Variants in HSDL2 observed in about 807,000 individuals in gnomAD.
HSDL2 encodes hydroxysteroid dehydrogenase-like protein 2.
HSDL2 carries 27 observed loss-of-function variants against 46.3 expected under a neutral mutation model. That is an observed-to-expected ratio of 0.58 (90% CI 0.43 to 0.80). The LOEUF is 0.80. HSDL2 is among the 30% of genes least tolerant of loss of function. The pLI, the probability that HSDL2 is intolerant of heterozygous loss-of-function variation, is 0.00. For missense variants in HSDL2, 451 were observed against 502.7 expected (o/e 0.90, Z 0.98); for synonymous variants, 153 against 163.6 (o/e 0.94, Z 0.50).
chr9:112,422,748 A>G (rs1353385421), intron 6 of HSDL2, among the ~76,000 whole-genome samples: 1 of 152,226 alleles, frequency 6.6e-6, no homozygotes, highest in Non-Finnish European at 1.5e-5. Context: ...ATGGATGTAA[A>G]CTAAAAGGTT....
chr9:112,382,301 C>T (rs2418206), intron 1 of HSDL2, among the ~76,000 whole-genome samples: 145,183 of 152,320 alleles, frequency 0.95, 69,251 homozygotes, highest in African/African-American at 0.99. Context: ...TATATTTTGA[C>T]AGATATTTCC....
At chr9:112,439,753 C>T (rs1832600707) in intron 7 of HSDL2, among the ~76,000 whole-genome samples, 1 of 152,238 alleles carries the variant, frequency 6.6e-6, no homozygotes, top group Admixed American at 6.5e-5. Context: ...CATAACAATT[C>T]TGTACGGAAA....
At chr9:112,381,661 C>T (rs575603681) in intron 1 of HSDL2, among the ~76,000 whole-genome samples, 1 of 152,272 alleles carries the variant, frequency 6.6e-6, no homozygotes, top group East Asian at 1.9e-4. Flanking sequence ...GCCCCTCCTC[C>T]TTTTTAATGG....
At chr9:112,469,156 C>T in intron 10 of HSDL2, among the ~76,000 whole-genome samples, 1 of 152,074 alleles carries the variant, frequency 6.6e-6, no homozygotes, top group East Asian at 1.9e-4. Context: ...TGGACTTGAT[C>T]CTTTCTACCT....
chr9:112,413,557 A>G (rs963799525), intron 4 of HSDL2, among the ~76,000 whole-genome samples: 1 of 152,196 alleles, frequency 6.6e-6, no homozygotes, highest in African/African-American at 2.4e-5. Flanking sequence ...CTGGTAACTC[A>G]CAGAACACAT....
At chr9:112,436,027 C>A (rs1380134345) in intron 6 of HSDL2, among the ~76,000 whole-genome samples, 1 of 151,692 alleles carries the variant, frequency 6.6e-6, no homozygotes, top group Non-Finnish European at 1.5e-5. Context: ...GTAATCCCAG[C>A]ACTTTGGAAG....
chr9:112,401,350 T>C (rs964047192), intron 1 of HSDL2, among the ~76,000 whole-genome samples: 2 of 148,538 alleles, frequency 1.3e-5, no homozygotes, highest in African/African-American at 5.0e-5. Context: ...CCTAGCTACT[T>C]GAGTGGTGAG....
chr9:112,408,424 A>C (rs993072369), intron 3 of HSDL2, among the ~76,000 whole-genome samples: 1 of 152,204 alleles, frequency 6.6e-6, no homozygotes, highest in Non-Finnish European at 1.5e-5. Flanking sequence ...TGAAATAGCT[A>C]CCAGTCTTGC....
intron 6 of HSDL2, among the ~76,000 whole-genome samples, chr9:112,423,435 G>A (rs912659640): frequency 6.6e-6 from 1 of 151,504 alleles, no homozygotes; most frequent in South Asian, 2.1e-4. Flanking sequence ...TCTGCCTCCT[G>A]AGTAGCTGGG....
rs1831076257 is a variant in HSDL2 at position 112,380,987 on chromosome 9, T to C, written c.17+807T>C. Among the ~76,000 whole-genome samples the C allele has an allele frequency of 2.0e-5, 3 of 151,808 alleles. No individual in the cohort carries two copies. The South Asian group carries it at 6.2e-4, about 32-fold the overall frequency. On this transcript the variant is annotated intron_variant, in intron 1 of 10. Coordinates refer to ENST00000398805, the MANE Select transcript of HSDL2 (RefSeq NM_032303.5). Reference sequence around the variant, plus strand: ...CAAAGACTTAAAACAGTTCAAAGAGTATAGGGTAAAAAGTGAGTCTCCCCA... The same window carrying C: ...CAAAGACTTAAAACAGTTCAAAGAGCATAGGGTAAAAAGTGAGTCTCCCCA...
chr9:112,444,790 C>T (rs1209039043), intron 8 of HSDL2, among the ~76,000 whole-genome samples: 8 of 151,554 alleles, frequency 5.3e-5, no homozygotes, highest in Non-Finnish European at 1.0e-4. Flanking sequence ...TTGATTCCCC[C>T]CACCCCTACT....
intron 10 of HSDL2, among the ~76,000 whole-genome samples, chr9:112,469,025 T>C (rs992932906): frequency 7.9e-5 from 12 of 152,136 alleles, no homozygotes; most frequent in African/African-American, 2.9e-4. Flanking sequence ...TAAAGATCTT[T>C]CAGTATCCTC....
intron 1 of HSDL2, among the ~76,000 whole-genome samples, chr9:112,390,076 A>G (rs926593653): frequency 6.0e-5 from 9 of 150,466 alleles, no homozygotes; most frequent in South Asian, 2.1e-4. Flanking sequence ...AAATAAATAA[A>G]TAAATAAATA....
intron 1 of HSDL2, among the ~76,000 whole-genome samples, chr9:112,384,100 A>T (rs1831169310): frequency 1.3e-5 from 2 of 152,150 alleles, no homozygotes; most frequent in South Asian, 4.1e-4. Context: ...TCCTGGTTAT[A>T]CTTGGGTATT....
intron 9 of HSDL2, among the ~76,000 whole-genome samples, chr9:112,455,340 T>C (rs1039770494): frequency 6.6e-6 from 1 of 152,074 alleles, no homozygotes; most frequent in African/African-American, 2.4e-5. Flanking sequence ...CTTCGTCCTC[T>C]CTGCTTTATC....
intron 3 of HSDL2, 120 bp downstream of exon 3, chr9:112,405,842 T>G (rs191982277): frequency 3.1e-6 from 2 of 642,482 alleles, no homozygotes; most frequent in East Asian, 2.9e-5. Context: ...AAATACGTAT[T>G]TGCTCACACA....
chr9:112,423,674 A>C (rs2132650180), intron 6 of HSDL2, among the ~76,000 whole-genome samples: 1 of 151,396 alleles, frequency 6.6e-6, no homozygotes, highest in South Asian at 2.1e-4. Flanking sequence ...ACACTTTCTA[A>C]CCGTCTCGTT....
intron 8 of HSDL2, among the ~76,000 whole-genome samples, chr9:112,450,495 G>GGTAT (rs1266426096): frequency 6.6e-6 from 1 of 151,578 alleles, no homozygotes; most frequent in Non-Finnish European, 1.5e-5. Context: ...CGGGTGCAGT[G>GGTAT]GTATGTGCCT....
chr9:112,401,107 C>A (rs575378797), intron 1 of HSDL2, among the ~76,000 whole-genome samples: 2 of 152,004 alleles, frequency 1.3e-5, no homozygotes, highest in African/African-American at 4.8e-5. Context: ...TTCTTTTATT[C>A]TTTTTTAATG....
Sources: allele counts gnomAD v4.1 joint callset (sites outside exome capture counted in the v4.1 genomes callset), GRCh38; gene constraint gnomAD v4.1.1; transcripts MANE v1.5; gene names NCBI Gene and HGNC (gene_info 2026-07-23, HGNC 2026-07-21).